LYRM4: variants seen among roughly 807,000 people sequenced by gnomAD.
LYRM4 encodes the protein LYR motif containing 4, also known as LYR motif-containing protein 4.
Under a neutral mutation model 11.7 loss-of-function variants are expected in LYRM4, and 9 were observed. That is an observed-to-expected ratio of 0.77 (90% CI 0.46 to 1.34). The LOEUF (loss-of-function observed/expected upper bound fraction) is 1.34. Among genes scored for constraint, LYRM4 ranks in the 40% most tolerant of loss-of-function variants. The pLI is 0.00. For synonymous variants in LYRM4, 42 were observed against 40.4 expected, an observed-to-expected ratio of 1.04 and a Z score of -0.15; for missense variants, 133 against 112.5, an observed-to-expected ratio of 1.18 and a Z score of -0.82.
At chr6:5,061,863 A>G in the LYRM4 span, among the ~76,000 whole-genome samples, 11 of 152,218 alleles carry the variant, frequency 7.2e-5, no homozygotes, top group African/African-American at 2.7e-4. Context: ...TATTTATGCC[A>G]TAATTGAGAA....
intron 2 of LYRM4, among the ~76,000 whole-genome samples, chr6:5,170,033 T>G (rs1204294333): frequency 1.3e-5 from 2 of 152,132 alleles, no homozygotes; most frequent in Non-Finnish European, 2.9e-5. Flanking sequence ...TGTCAGGGAT[T>G]TGGTAATGGT....
intron 2 of LYRM4, among the ~76,000 whole-genome samples, chr6:5,147,462 T>C (rs1757790939): frequency 6.6e-6 from 1 of 152,218 alleles, no homozygotes; most frequent in Non-Finnish European, 1.5e-5. Flanking sequence ...AAGTAGATGG[T>C]GTCCTCTTTC....
the LYRM4 span, among the ~76,000 whole-genome samples, chr6:5,082,008 C>T: frequency 5.9e-5 from 9 of 152,158 alleles, no homozygotes; most frequent in Non-Finnish European, 1.5e-5. Flanking sequence ...AGTCCCATGC[C>T]CATCGCACAC....
chr6:5,048,792 T>C, the LYRM4 span, among the ~76,000 whole-genome samples: 1 of 152,060 alleles, frequency 6.6e-6, no homozygotes, highest in Non-Finnish European at 1.5e-5. Flanking sequence ...GTACCTAAAG[T>C]GAGGAGAGCA....
chr6:5,245,604 G>T (rs1764161431), intron 1 of LYRM4, among the ~76,000 whole-genome samples: 1 of 152,200 alleles, frequency 6.6e-6, no homozygotes, highest in South Asian at 2.1e-4. Flanking sequence ...CCCACAAGCT[G>T]TCTGGCATTG....
chr6:5,198,129 C>T (rs926763211), intron 2 of LYRM4, among the ~76,000 whole-genome samples: 4 of 152,082 alleles, frequency 2.6e-5, no homozygotes, highest in East Asian at 1.9e-4. Context: ...ACCCAGAAGG[C>T]GGAGGTTACA....
At chr6:5,213,998 A>C (rs2127720361) in intron 2 of LYRM4, among the ~76,000 whole-genome samples, 1 of 152,340 alleles carries the variant, frequency 6.6e-6, no homozygotes, top group South Asian at 2.1e-4. Flanking sequence ...TCAGAGTGAC[A>C]TAGCTAGTAG....
At chr6:5,164,837 A>G (rs1758976612) in intron 2 of LYRM4, among the ~76,000 whole-genome samples, 1 of 152,028 alleles carries the variant, frequency 6.6e-6, no homozygotes, top group African/African-American at 2.4e-5. Flanking sequence ...GTGTGGTGGT[A>G]CACACCTGTG....
chr6:5,069,139 T>TAA, the LYRM4 span, among the ~76,000 whole-genome samples: 1 of 152,214 alleles, frequency 6.6e-6, no homozygotes, highest in Admixed American at 6.5e-5. Context: ...ATTGTATACT[T>TAA]AAGCTGTTCC....
intron 2 of LYRM4, among the ~76,000 whole-genome samples, chr6:5,195,602 C>T (rs922484031): frequency 3.3e-5 from 5 of 152,182 alleles, no homozygotes; most frequent in African/African-American, 1.2e-4. Context: ...CCACTGCACT[C>T]CAACCTGGGT....
chr6:5,075,731 A>G, the LYRM4 span, among the ~76,000 whole-genome samples: 1 of 152,364 alleles, frequency 6.6e-6, no homozygotes, highest in African/African-American at 2.4e-5. Context: ...TTTTTAAAAA[A>G]TTCTTATTAT....
intron 2 of LYRM4, among the ~76,000 whole-genome samples, chr6:5,187,768 AAAAAT>A (rs1464367659): frequency 6.6e-6 from 1 of 152,216 alleles, no homozygotes; most frequent in Non-Finnish European, 1.5e-5. Flanking sequence ...ATAAATAAAT[AAAAAT>A]AAAAGACAGG....
downstream of LYRM4, among the ~76,000 whole-genome samples, chr6:5,100,822 G>A (rs377402779): frequency 1.3e-5 from 2 of 152,182 alleles, no homozygotes; most frequent in Non-Finnish European, 2.9e-5. Flanking sequence ...AGTCTTTCAG[G>A]ATCAAAGTGC....
chr6:5,066,784 A>C, the LYRM4 span: 1 of 730,562 alleles, frequency 1.4e-6, no homozygotes, highest in Non-Finnish European at 2.4e-6. Context: ...TCTAAGATGG[A>C]GTTTAACACC....
intron 2 of LYRM4, among the ~76,000 whole-genome samples, chr6:5,141,062 A>T (rs1757382027): frequency 6.6e-6 from 1 of 152,216 alleles, no homozygotes; most frequent in South Asian, 2.1e-4. Flanking sequence ...CAGCTTTTTA[A>T]TCTAGTTTTC....
chr6:5,085,896 G>A, the LYRM4 span: 1 of 1,531,872 alleles, frequency 6.5e-7, no homozygotes, highest in South Asian at 1.2e-5. Flanking sequence ...TCGCGGACAC[G>A]CTGGGGCTAA....
the LYRM4 span, among the ~76,000 whole-genome samples, chr6:5,051,713 G>T: frequency 5.9e-5 from 9 of 152,148 alleles, no homozygotes; most frequent in Non-Finnish European, 1.2e-4. Context: ...AATGCCTGTT[G>T]CTAGGTAATT....
At chr6:5,212,585 GC>G (rs1404846920) in intron 2 of LYRM4, among the ~76,000 whole-genome samples, 1 of 152,224 alleles carries the variant, frequency 6.6e-6, no homozygotes, top group East Asian at 1.9e-4. Flanking sequence ...TTTAGTGGGG[GC>G]TAGCCCAGAA....
chr6:5,204,755 T>A (rs970905620), intron 2 of LYRM4, among the ~76,000 whole-genome samples: 5 of 152,192 alleles, frequency 3.3e-5, no homozygotes, highest in African/African-American at 1.2e-4. Flanking sequence ...CCCGGGTGCA[T>A]CCTCAACCTT....
Sources: gnomAD v4.1 joint callset for allele counts (sites outside exome capture counted in the v4.1 genomes callset) on GRCh38, gnomAD v4.1.1 for gene constraint, MANE v1.5 for transcripts, NCBI Gene and HGNC (gene_info 2026-07-23, HGNC 2026-07-21) for gene names.